TMEM87A: variants seen among roughly 807,000 people sequenced by gnomAD.
TMEM87A encodes the protein Golgi-pH regulating cation channel.
A neutral mutation model predicts 90.0 loss-of-function variants in TMEM87A; 50 were observed. That is an observed-to-expected ratio of 0.56 (90% CI 0.44 to 0.70). The LOEUF is 0.70. Among genes scored for constraint, TMEM87A ranks in the 30% least tolerant of loss-of-function variants. The probability of loss-of-function intolerance (pLI) is 0.00; values close to 1 mark genes in which losing one functional copy is unlikely to be tolerated. For synonymous variants in TMEM87A, 226 were observed against 226.7 expected, an observed-to-expected ratio of 1.00 and a Z score of 0.03; for missense variants, 577 against 660.5, an observed-to-expected ratio of 0.87 and a Z score of 1.39.
intron 6 of TMEM87A, among the ~76,000 whole-genome samples, chr15:42,255,299 A>G (rs1471569599): frequency 6.6e-6 from 1 of 151,974 alleles, no homozygotes. Flanking sequence ...ATGCGCAGCT[A>G]ATTTTATATT....
chr15:42,264,312 T>A, intron 3 of TMEM87A, 109 bp from the exon 4 acceptor site: 1 of 698,302 alleles, frequency 1.4e-6, no homozygotes, highest in Non-Finnish European at 2.4e-6. Context: ...ATTTTGAGTT[T>A]GCTATTTTAA....
At chr15:42,217,911 G>A in intron 18 of TMEM87A, 78 bp from the exon 19 acceptor site, 5 of 1,381,614 alleles carry the variant, frequency 3.6e-6, no homozygotes, top group Non-Finnish European at 5.0e-6. Context: ...ATGGAATAAT[G>A]CAATTAAAAG....
intron 19 of TMEM87A, 87 bp downstream of exon 19, chr15:42,217,716 A>T: frequency 7.3e-7 from 1 of 1,364,484 alleles, no homozygotes; most frequent in South Asian, 1.2e-5. Context: ...ACTGAGTCAA[A>T]TAAAGAGAAT....
chr15:42,259,731 C>T (rs897075102), intron 6 of TMEM87A, among the ~76,000 whole-genome samples: 2 of 152,144 alleles, frequency 1.3e-5, no homozygotes, highest in Non-Finnish European at 2.9e-5. Flanking sequence ...ATGCCCAGGG[C>T]TGTGCACAGG....
At chr15:42,214,741 C>G (rs1400229836) in intron 19 of TMEM87A, among the ~76,000 whole-genome samples, 3 of 152,178 alleles carry the variant, frequency 2.0e-5, no homozygotes, top group African/African-American at 7.2e-5. Context: ...TTTGAAACCA[C>G]AAAACTCCTA....
At chr15:42,268,082 A>G (rs1386364518) in intron 2 of TMEM87A, 50 bp from the exon 3 acceptor site, 1 of 1,517,526 alleles carries the variant, frequency 6.6e-7, no homozygotes, top group East Asian at 2.3e-5. Context: ...CCAACAAAGC[A>G]TTTTTCCTAA....
At chr15:42,257,704 A>T (rs954755171) in intron 6 of TMEM87A, among the ~76,000 whole-genome samples, 2 of 152,194 alleles carry the variant, frequency 1.3e-5, no homozygotes, top group Non-Finnish European at 2.9e-5. Flanking sequence ...GACATTATGA[A>T]CATAACTTTA....
chr15:42,229,436 CAG>C (rs2050650675), intron 12 of TMEM87A, among the ~76,000 whole-genome samples: 2 of 151,400 alleles, frequency 1.3e-5, no homozygotes, highest in Admixed American at 1.3e-4. Flanking sequence ...AAAAAAAAGA[CAG>C]AAAATAAATA....
chr15:42,234,192 T>A (rs2050734985), intron 10 of TMEM87A, among the ~76,000 whole-genome samples: 1 of 152,198 alleles, frequency 6.6e-6, no homozygotes, highest in African/African-American at 2.4e-5. Context: ...AAATAGTATA[T>A]TTGCAAGCTC....
In TMEM87A at chr15:42,232,703, T is replaced by C. The variant is rs190898044; in HGVS notation, c.1062+510A>G. Among the ~76,000 whole-genome samples, 270 of 152,104 alleles carry C rather than the reference T, an allele frequency of 1.8e-3. 2 individuals carry two copies. The East Asian group carries it at 0.046, about 26-fold the overall frequency. On this transcript the variant is annotated intron_variant, in intron 11 of 19. Transcript: ENST00000389834. ...TTCACCATGTTAGCCAGGATGGTCT[T>C]GATCTTCTGACCTAGTGATCCGCCT...
chr15:42,254,587 G>A (rs901044709), intron 6 of TMEM87A, among the ~76,000 whole-genome samples: 3 of 152,134 alleles, frequency 2.0e-5, no homozygotes, highest in Non-Finnish European at 2.9e-5. Flanking sequence ...ATTACTAACT[G>A]AAAGAAGCCA....
intron 4 of TMEM87A, chr15:42,262,011 C>T (rs891781154): frequency 6.6e-6 from 1 of 152,230 alleles, no homozygotes; most frequent in Non-Finnish European, 1.5e-5. Flanking sequence ...AAAAACTACA[C>T]TAATTATCTT....
intron 15 of TMEM87A, chr15:42,224,445 A>G (rs1181338072): frequency 1.3e-5 from 2 of 152,194 alleles, no homozygotes; most frequent in Admixed American, 1.3e-4. Flanking sequence ...GTTGCTGGGG[A>G]AAAGAACTGA....
chr15:42,267,031 T>C (rs2140989210), intron 3 of TMEM87A, among the ~76,000 whole-genome samples: 1 of 152,268 alleles, frequency 6.6e-6, no homozygotes, highest in South Asian at 2.1e-4. Context: ...CAAAATAAAA[T>C]TTGAGATTTC....
chr15:42,272,190 C>G, intron 1 of TMEM87A, 67 bp from the exon 2 acceptor site: 21 of 1,143,606 alleles, frequency 1.8e-5, no homozygotes, highest in Non-Finnish European at 8.9e-6. Flanking sequence ...ATATAACTAT[C>G]TAAGACTGCT....
chr15:42,243,225 G>A (rs1355614156), intron 7 of TMEM87A, among the ~76,000 whole-genome samples: 4 of 151,398 alleles, frequency 2.6e-5, no homozygotes, highest in African/African-American at 4.9e-5. Context: ...CCGAGATTAC[G>A]CCACTGCACT....
intron 3 of TMEM87A, among the ~76,000 whole-genome samples, chr15:42,266,194 A>G (rs1246801081): frequency 6.6e-6 from 1 of 152,212 alleles, no homozygotes; most frequent in African/African-American, 2.4e-5. Flanking sequence ...GGCAATTCTC[A>G]AAAGTGTGGC....
chr15:42,211,829 G>T, intron 19 of TMEM87A, 80 bp from the exon 20 acceptor site: 1 of 1,242,036 alleles, frequency 8.1e-7, no homozygotes, highest in Non-Finnish European at 1.1e-6. Flanking sequence ...GACTATCCAA[G>T]CAAACATCTT....
chr15:42,230,530 C>T (rs1202441314), intron 12 of TMEM87A, among the ~76,000 whole-genome samples: 2 of 152,014 alleles, frequency 1.3e-5, no homozygotes, highest in Non-Finnish European at 2.9e-5. Flanking sequence ...CAGGCCAAGC[C>T]CCTAATATAT....
Sources: gnomAD v4.1 joint callset for allele counts (sites outside exome capture counted in the v4.1 genomes callset) on GRCh38, gnomAD v4.1.1 for gene constraint, MANE v1.5 for transcripts, NCBI Gene and HGNC (gene_info 2026-07-23, HGNC 2026-07-21) for gene names.